CADPS: variants seen among roughly 807,000 people sequenced by gnomAD.
The protein encoded by CADPS is calcium-dependent secretion activator 1.
Under a neutral mutation model 167.3 loss-of-function variants are expected in CADPS, and 57 were observed. The observed-to-expected ratio is 0.34, with a 90% CI of 0.28 to 0.42. CADPS has a LOEUF of 0.42. CADPS is among the 20% of genes least tolerant of loss of function. The probability of loss-of-function intolerance (pLI) is 1.00; values close to 1 mark genes in which losing one functional copy is unlikely to be tolerated. For synonymous variants in CADPS, 676 were observed against 635.3 expected, an observed-to-expected ratio of 1.06 and a Z score of -0.96; for missense variants, 1,414 against 1,738.1, an observed-to-expected ratio of 0.81 and a Z score of 3.32.
At chr3:62,517,342 C>T (rs964329146) in intron 14 of CADPS, among the ~76,000 whole-genome samples, 1 of 152,102 alleles carries the variant, frequency 6.6e-6, no homozygotes, top group Admixed American at 6.6e-5. Flanking sequence ...ATGTAAGCAT[C>T]CCACTTCTTC....
chr3:62,623,260 AAGAG>A (rs568991910), intron 6 of CADPS, among the ~76,000 whole-genome samples: 1 of 152,086 alleles, frequency 6.6e-6, no homozygotes. Flanking sequence ...GCTGACCAAG[AAGAG>A]AGAGAGACAC....
At chr3:62,721,980 A>G (rs1473616918) in intron 3 of CADPS, among the ~76,000 whole-genome samples, 1 of 152,214 alleles carries the variant, frequency 6.6e-6, no homozygotes, top group East Asian at 1.9e-4. Context: ...AAAGCACGCA[A>G]CAAATATTAG....
intron 1 of CADPS, among the ~76,000 whole-genome samples, chr3:62,804,345 C>A (rs2093957736): frequency 6.6e-6 from 1 of 152,002 alleles, no homozygotes; most frequent in Non-Finnish European, 1.5e-5. Context: ...CAAGGGTATT[C>A]TATTTTAATA....
intron 1 of CADPS, among the ~76,000 whole-genome samples, chr3:62,864,169 T>C (rs1450438370): frequency 6.6e-6 from 1 of 152,236 alleles, no homozygotes; most frequent in African/African-American, 2.4e-5. Context: ...GTCCAAGCTC[T>C]TTACAAAGCA....
chr3:62,773,736 T>C (rs377570213), intron 1 of CADPS, among the ~76,000 whole-genome samples: 2 of 152,160 alleles, frequency 1.3e-5, no homozygotes, highest in African/African-American at 2.4e-5. Flanking sequence ...TCTATCCTCT[T>C]GCATACCTCT....
intron 1 of CADPS, among the ~76,000 whole-genome samples, chr3:62,838,361 G>A (rs180674154): frequency 6.6e-6 from 1 of 152,266 alleles, no homozygotes; most frequent in East Asian, 1.9e-4. Flanking sequence ...GAGGCAGGAG[G>A]GAATGAGTAT....
At position 62,753,559 on chromosome 3, in the gene CADPS, C is replaced by T. The variant is rs1345412626; in HGVS notation, c.770G>A (p.Arg257Gln). ...GEEDPRKQQA[R>Q]MTASAASELI... is the part of the protein sequence containing the mutation. ...CTCGGAGGCTGCGCTGGCTGTCATC[C>T]GGGCCTGCTGCTTCCGCGGGTCCTC... Residue 257 changes from arginine to glutamine, a missense_variant, in exon 3 of 30, where the codon CGG (arginine) becomes CAG (glutamine). Physicochemically the swap from Arg to Gln is conservative, Grantham distance 43. Around this residue, in one of 6 missense-constraint regions of CADPS, gnomAD observed 522 missense variants for 559.5 expected, o/e 0.93. Coordinates refer to ENST00000383710, the MANE Select transcript of CADPS (RefSeq NM_003716.4). This position sits in a 1 kb window ranked among gnomAD's most constrained non-coding sequence, Gnocchi z 4.6. 4 of 1,613,984 alleles carry T rather than the reference C, an allele frequency of 2.5e-6. No homozygotes were observed. Among genetic ancestry groups the T allele is most frequent in the Admixed American group, 1.7e-5 (1 of 59,990 alleles).
At chr3:62,533,379 A>G (rs978774295) in intron 12 of CADPS, among the ~76,000 whole-genome samples, 9 of 152,292 alleles carry the variant, frequency 5.9e-5, no homozygotes, top group Admixed American at 4.6e-4. Context: ...CTGCTTGAAC[A>G]CGGAACCATA....
chr3:62,736,652 G>A (rs6792782), intron 3 of CADPS, among the ~76,000 whole-genome samples: 11,088 of 152,230 alleles, frequency 0.073, 476 homozygotes, highest in South Asian at 0.15. Flanking sequence ...CCACCTTTAT[G>A]TTGGTTGTTT....
intron 18 of CADPS, 81 bp from the exon 19 acceptor site, chr3:62,493,746 T>C (rs2064146570): frequency 8.6e-7 from 1 of 1,158,920 alleles, no homozygotes; most frequent in African/African-American, 1.5e-5. Context: ...ACACCTGCTG[T>C]TTCCATTTTA....
chr3:62,653,737 T>C (rs2070819681), intron 4 of CADPS, among the ~76,000 whole-genome samples: 1 of 152,000 alleles, frequency 6.6e-6, no homozygotes, highest in Admixed American at 6.6e-5. Context: ...AATTCAGCTG[T>C]GAGGAGGAGG....
chr3:62,656,505 A>C (rs2071632127), intron 4 of CADPS, among the ~76,000 whole-genome samples: 1 of 152,320 alleles, frequency 6.6e-6, no homozygotes, highest in South Asian at 2.1e-4. Context: ...AGGCAGAACT[A>C]TCTGGCTCCA....
chr3:62,613,011 A>G (rs1437107701), intron 6 of CADPS, among the ~76,000 whole-genome samples: 1 of 152,208 alleles, frequency 6.6e-6, no homozygotes, highest in African/African-American at 2.4e-5. Flanking sequence ...ATACAGTAGA[A>G]CAGAGTCAGG....
chr3:62,860,283 G>A (rs2153174826), intron 1 of CADPS, among the ~76,000 whole-genome samples: 1 of 152,322 alleles, frequency 6.6e-6, no homozygotes, highest in East Asian at 1.9e-4. Flanking sequence ...TTCAGATGAT[G>A]TAATGACCTG....
chr3:62,616,520 C>T (rs1327466911), intron 6 of CADPS, among the ~76,000 whole-genome samples: 1 of 152,134 alleles, frequency 6.6e-6, no homozygotes, highest in Non-Finnish European at 1.5e-5. Context: ...TCAGATCTTA[C>T]CATGTGGAGT....
intron 11 of CADPS, among the ~76,000 whole-genome samples, chr3:62,546,856 G>A (rs1444401976): frequency 6.6e-6 from 1 of 152,096 alleles, no homozygotes; most frequent in Non-Finnish European, 1.5e-5. Flanking sequence ...ATGGATTTTG[G>A]TATCTGCAGG....
intron 1 of CADPS, among the ~76,000 whole-genome samples, chr3:62,802,169 A>T (rs1476564822): frequency 6.6e-6 from 1 of 152,128 alleles, no homozygotes; most frequent in Non-Finnish European, 1.5e-5. Flanking sequence ...TTTGACTATA[A>T]CCTAGTATTA....
intron 3 of CADPS, among the ~76,000 whole-genome samples, chr3:62,732,395 C>T (rs1266292812): frequency 1.3e-5 from 2 of 152,176 alleles, no homozygotes; most frequent in Non-Finnish European, 2.9e-5. Flanking sequence ...CCAACAACCA[C>T]TGAGAGAGCT....
rs2055534548 is a variant in CADPS at position 62,438,142 on chromosome 3, T to C, written c.3739A>G (p.Lys1247Glu). The C allele has an allele frequency of 3.7e-6, 6 of 1,613,498 alleles. 1 individual carries two copies. In the South Asian group the frequency reaches 6.6e-5, roughly 18 times the overall value. Reference protein sequence around the residue: ...VRHSQDVLRDKVNEEMYIERL... With the variant: ...VRHSQDVLRDEVNEEMYIERL... ...TCTATGTACATCTCCTCATTGACCT[T>C]ATCACGCAGGACATCCTGAGAATGG... The change falls in exon 28 of 30, where the codon AAG (lysine) becomes GAG (glutamate). Residue 1247 changes from lysine (K) to glutamate (E), a missense_variant. By Grantham distance (56) the Lys-to-Glu change is moderately conservative. Coordinates refer to ENST00000383710, the MANE Select transcript of CADPS (RefSeq NM_003716.4). This position sits in a 1 kb window ranked among gnomAD's most constrained non-coding sequence, Gnocchi z 4.7.
Sources: allele counts gnomAD v4.1 joint callset (sites outside exome capture counted in the v4.1 genomes callset), GRCh38; gene constraint gnomAD v4.1.1; regional missense constraint gnomAD v4.1.1; non-coding constraint Gnocchi (gnomAD v3.1); transcripts MANE v1.5; gene names NCBI Gene and HGNC (gene_info 2026-07-23, HGNC 2026-07-21).